FMO5: variants seen among roughly 807,000 people sequenced by gnomAD.
FMO5 encodes flavin-containing monooxygenase 5.
A neutral mutation model predicts 43.6 loss-of-function variants in FMO5; 51 were observed. The observed-to-expected ratio is 1.17, with a 90% confidence interval of 0.93 to 1.48. The LOEUF (loss-of-function observed/expected upper bound fraction) is 1.48. Ranked by LOEUF, FMO5 falls within the 40% of genes most tolerant of loss-of-function variation. FMO5 has a pLI of 0.00. For synonymous variants in FMO5, 187 were observed against 216.5 expected, an observed-to-expected ratio of 0.86 and a Z score of 1.20; for missense variants, 644 against 643.0, an observed-to-expected ratio of 1.00 and a Z score of -0.02.
chr1:147,212,304 C>T, intron 5 of FMO5, 89 bp downstream of exon 5: 3 of 1,329,922 alleles, frequency 2.3e-6, no homozygotes, highest in Non-Finnish European at 3.2e-6. Flanking sequence ...GTGCAGGTAT[C>T]CCTATTCTCT....
chr1:147,186,793 A>G lies in FMO5; in HGVS notation c.*107T>C. 1 of 1,499,828 alleles carries G rather than the reference A, an allele frequency of 6.7e-7. No individual in the cohort carries two copies. Among genetic ancestry groups the G allele is most frequent in the Non-Finnish European group, 8.8e-7 (1 of 1,131,150 alleles). The allele number at this position is 1,499,828 out of a possible 1,614,324, so 92.9% of individuals were successfully genotyped here. A position where few individuals can be genotyped will look rare whatever the true frequency, so the allele number is the denominator to read the frequency against. ...AATTAATGCTTTCGAAAGAGACATT[A>G]AAGTAGATTTCTGGGCAATATGAAA... On this transcript the variant is annotated 3_prime_UTR_variant, in exon 9 of 9. Coordinates refer to ENST00000254090, the MANE Select transcript of FMO5 (RefSeq NM_001461.4).
chr1:147,190,205 A>G lies in FMO5; in HGVS notation c.1228T>C (p.Ser410Pro). The change falls in exon 8 of 9, where the codon TCT becomes CCT. Residue 410 changes from serine to proline, a missense_variant. Coordinates refer to ENST00000254090, the MANE Select transcript of FMO5 (RefSeq NM_001461.4). ...TTGTCAATTTCCTCTTGAGCTTTAG[A>G]TATTTCTGCCATCATTTCACTCTGT... ...PSQSEMMAEI[S>P]KAQEEIDKRY... The G allele has an allele frequency of 6.2e-7, 1 of 1,611,790 alleles. No individual in the cohort carries two copies.
intron 7 of FMO5, among the ~76,000 whole-genome samples, chr1:147,199,716 G>A (rs904691488): frequency 2.6e-4 from 39 of 152,222 alleles, no homozygotes; most frequent in African/African-American, 7.9e-4. Context: ...GGCTATTTGC[G>A]TTTGACTACT....
chr1:147,184,317 A>G, downstream of FMO5: 1 of 612,106 alleles, frequency 1.6e-6, no homozygotes, highest in Non-Finnish European at 2.4e-6. The surrounding 1 kb of genome is among the most constrained non-coding windows in gnomAD (Gnocchi z 4.4). Flanking sequence ...CCCCACATCC[A>G]ATTTCCTTTA....
intron 7 of FMO5, among the ~76,000 whole-genome samples, chr1:147,194,069 C>T (rs1239760870): frequency 3.9e-5 from 6 of 151,916 alleles, no homozygotes; most frequent in African/African-American, 1.2e-4. Flanking sequence ...CCTTGTTAAC[C>T]TTCTGTCTCG....
Position 147,201,303 on chromosome 1 carries a change from T to A in FMO5, c.1032A>T (p.Lys344Asn), listed in dbSNP as rs782484284. The change falls in exon 7 of 9, where the codon AAA (lysine) becomes AAT (asparagine). Residue 344 changes from lysine to asparagine, a missense_variant. Physicochemically the swap from Lys to Asn is moderately conservative, Grantham distance 94. Transcript: ENST00000254090. Reference protein sequence around the residue: ...FDFPFLEDSVKVVKNKISLYK... With the variant: ...FDFPFLEDSVNVVKNKISLYK... ...ACAGGGATATCTTGTTTTTGACCAC[T>A]TTGACGGAATCTTCCAGAAATGGAA... is the stretch of plus-strand genomic sequence containing the variant. 3.7e-5 allele frequency: 60 copies of A among 1,614,200 alleles called. No individual in the cohort carries two copies. Among genetic ancestry groups the A allele is most frequent in the Non-Finnish European group, 5.0e-5 (59 of 1,180,030 alleles).
Position 147,190,202 on chromosome 1 carries a change from T to G in FMO5, c.1231A>C (p.Lys411Gln). The stretch of plus-strand genomic sequence containing the variant: ...CTTTTGTCAATTTCCTCTTGAGCTT[T>G]AGATATTTCTGCCATCATTTCACTC... ...SQSEMMAEISKAQEEIDKRYV... is the reference protein window; with the variant it reads ...SQSEMMAEISQAQEEIDKRYV... Residue 411 changes from lysine (K) to glutamine (Q), a missense_variant, in exon 8 of 9, where the codon AAA becomes CAA. Transcript: ENST00000254090. The G allele has an allele frequency of 6.2e-7, 1 of 1,611,722 alleles. No individual in the cohort carries two copies. The highest frequency in any genetic ancestry group is 1.3e-5 in the African/African-American group (1 of 74,914).
intron 6 of FMO5, among the ~76,000 whole-genome samples, chr1:147,205,348 G>A (rs1659798471): frequency 6.6e-6 from 1 of 152,148 alleles, no homozygotes; most frequent in Non-Finnish European, 1.5e-5. Context: ...TATCTAAGTG[G>A]TCAAATTTAG....
chr1:147,204,506 G>T, intron 6 of FMO5: 3 of 1,556,820 alleles, frequency 1.9e-6, no homozygotes, highest in Non-Finnish European at 2.7e-6. Context: ...AAATTAGGAA[G>T]AATCTCATGA....
Position 147,187,276 on chromosome 1 carries a change from G to T in FMO5, c.1257-31C>A, listed in dbSNP as rs782408476. 6.7e-6 allele frequency: 10 copies of T among 1,499,980 alleles called. 1 individual carries two copies. The South Asian group carries it at 1.3e-4, about 19-fold the overall frequency. 92.9% of individuals were successfully genotyped at this position (1,499,980 alleles called of 1,614,324 possible). ...GTAGAAAAGACAGAAACCATGGCCTGTCAATAATTCAATCAGTCAGTCAAT... is the reference window on the plus strand; with the variant it reads ...GTAGAAAAGACAGAAACCATGGCCTTTCAATAATTCAATCAGTCAGTCAAT... On this transcript the variant is annotated intron_variant, in intron 8 of 8. Transcript: ENST00000254090.
At chr1:147,187,422 G>A (rs28526308) in intron 8 of FMO5, among the ~76,000 whole-genome samples, 177 bp from the exon 9 acceptor site, 1 of 152,140 alleles carries the variant, frequency 6.6e-6, no homozygotes, top group African/African-American at 2.4e-5. Flanking sequence ...TACAAAAGGA[G>A]ATAAGACAGA....
chr1:147,191,618 T>C (rs1656842961), intron 7 of FMO5, among the ~76,000 whole-genome samples: 1 of 151,736 alleles, frequency 6.6e-6, no homozygotes, highest in African/African-American at 2.4e-5. Flanking sequence ...TGAAAATTTT[T>C]TCCCATTTTC....
intron 6 of FMO5, 81 bp from the exon 7 acceptor site, chr1:147,201,585 G>C (rs1431786566): frequency 2.2e-5 from 22 of 1,011,794 alleles, no homozygotes; most frequent in Non-Finnish European, 3.3e-5. Context: ...TGCTTTGGTG[G>C]AGGTAAACAG....
chr1:147,207,926 C>T (rs1660377580), intron 6 of FMO5, among the ~76,000 whole-genome samples: 1 of 152,210 alleles, frequency 6.6e-6, no homozygotes, highest in African/African-American at 2.4e-5. Context: ...GACATGGCTT[C>T]TGTTCATAAG....
rs587760823 is a variant in FMO5 at position 147,193,494 on chromosome 1, G to C, written c.1184-3245C>G. Among the ~76,000 whole-genome samples, 113 of 152,132 alleles carry C rather than the reference G, an allele frequency of 7.4e-4. 1 individual carries two copies. Among genetic ancestry groups the C allele is most frequent in the African/African-American group, 2.7e-3 (112 of 41,490 alleles). On this transcript the variant is annotated intron_variant, in intron 7 of 8. Coordinates refer to ENST00000254090, the MANE Select transcript of FMO5 (RefSeq NM_001461.4). ...ATTAATTTTTTGAAGGGTTTTTTGT[G>C]ACTTAATTTCCTTCAGTTCTGCTCT...
At chr1:147,220,569 C>A (rs1331422259) in intron 2 of FMO5, among the ~76,000 whole-genome samples, 1 of 152,172 alleles carries the variant, frequency 6.6e-6, no homozygotes, top group African/African-American at 2.4e-5. Context: ...AAAGGAGCAA[C>A]TTTACAGTGT....
intron 2 of FMO5, among the ~76,000 whole-genome samples, chr1:147,219,910 C>T (rs1662712879): frequency 6.7e-6 from 1 of 148,442 alleles, no homozygotes; most frequent in African/African-American, 2.5e-5. Flanking sequence ...ACAATCTCGG[C>T]TCACCACAAC....
intron 8 of FMO5, 47 bp from the exon 9 acceptor site, chr1:147,187,292 G>A: frequency 7.1e-7 from 1 of 1,418,176 alleles, no homozygotes; most frequent in East Asian, 2.3e-5. Context: ...AATTCAATCA[G>A]TCAGTCAATC....
At chr1:147,220,759 T>C (rs1177967699) in intron 2 of FMO5, among the ~76,000 whole-genome samples, 1 of 152,118 alleles carries the variant, frequency 6.6e-6, no homozygotes, top group Non-Finnish European at 1.5e-5. Flanking sequence ...TGGCTAGCAG[T>C]TATACCAGCC....
Sources: gnomAD v4.1 joint callset for allele counts (sites outside exome capture counted in the v4.1 genomes callset) on GRCh38, gnomAD v4.1.1 for gene constraint, Gnocchi (gnomAD v3.1) non-coding constraint, MANE v1.5 for transcripts, NCBI Gene and HGNC (gene_info 2026-07-23, HGNC 2026-07-21) for gene names.